ABCC9: variants seen among roughly 807,000 people sequenced by gnomAD.
ABCC9 encodes ATP-binding cassette sub-family C member 9.
A neutral mutation model predicts 188.3 loss-of-function variants in ABCC9; 95 were observed. That is an observed-to-expected ratio of 0.50 (90% CI 0.43 to 0.60). The LOEUF is 0.60. Ranked by LOEUF, ABCC9 falls within the 20% of genes least tolerant of loss-of-function variation. The pLI is 0.00. For missense variants in ABCC9, 1,102 were observed against 1,876.3 expected, an observed-to-expected ratio of 0.59 and a Z score of 7.62; for synonymous variants, 659 against 652.7, an observed-to-expected ratio of 1.01 and a Z score of -0.15.
At chr12:21,845,983 T>C in intron 25 of ABCC9, 151 bp from the exon 26 acceptor site, 1 of 667,180 alleles carries the variant, frequency 1.5e-6, no homozygotes, top group Non-Finnish European at 2.6e-6. Flanking sequence ...GGGCAAACCT[T>C]ATTTCTTTCT....
rs527904250 is a variant in ABCC9 at position 21,852,275 on chromosome 12, A to G, written c.2644-53T>C. On this transcript the variant is annotated intron_variant, in intron 23 of 39. Coordinates refer to ENST00000261200, the MANE Select transcript of ABCC9 (RefSeq NM_020297.4). ...GTGACGAAAAGCCTTGATTGGCAAA[A>G]TGAACTACCTTTATTTCAGAAAGCA... The G allele has an allele frequency of 2.9e-4, 464 of 1,613,562 alleles. 3 individuals carry two copies. Among genetic ancestry groups the G allele is most frequent in the South Asian group, 1.5e-3 (134 of 91,064 alleles).
chr12:21,802,444 A>G (rs1200809720), intron 39 of ABCC9, among the ~76,000 whole-genome samples: 1 of 152,254 alleles, frequency 6.6e-6, no homozygotes, highest in African/African-American at 2.4e-5. Flanking sequence ...TTTTCAAAGT[A>G]GAAATAAACA....
At chr12:21,923,571 C>T in intron 5 of ABCC9, 2 of 377,604 alleles carry the variant, frequency 5.3e-6, no homozygotes, top group East Asian at 8.1e-5. Flanking sequence ...CAAATTAAAA[C>T]CGCAATGTAT....
chr12:21,940,684 G>C (rs537193265), intron 2 of ABCC9, 26 bp downstream of exon 2: 2 of 152,186 alleles, frequency 1.3e-5, no homozygotes, highest in South Asian at 4.1e-4. Context: ...ATCCCAAACT[G>C]AACAAATAAA....
chr12:21,915,987 T>C, intron 6 of ABCC9, 77 bp from the exon 7 acceptor site: 1 of 1,458,310 alleles, frequency 6.9e-7, no homozygotes, highest in Non-Finnish European at 9.3e-7. Context: ...TTTCAACCTT[T>C]TCTACATTTT....
chr12:21,830,264 CTT>C (rs898449747), intron 30 of ABCC9, among the ~76,000 whole-genome samples: 10 of 152,144 alleles, frequency 6.6e-5, no homozygotes, highest in African/African-American at 2.4e-4. Flanking sequence ...ACAATAGTCT[CTT>C]TTTATTTCTC....
chr12:21,886,545 G>A (rs963969845), intron 15 of ABCC9, among the ~76,000 whole-genome samples: 8 of 151,882 alleles, frequency 5.3e-5, no homozygotes, highest in East Asian at 3.9e-4. Flanking sequence ...ACTGATCTAC[G>A]TGTTTTACTC....
chr12:21,918,092 G>T (rs951444518), intron 5 of ABCC9, among the ~76,000 whole-genome samples: 2 of 151,672 alleles, frequency 1.3e-5, no homozygotes, highest in Non-Finnish European at 2.9e-5. Flanking sequence ...TATTAGAGTA[G>T]CTTAAAAGTA....
At chr12:21,833,849 G>A (rs778627893) in intron 30 of ABCC9, among the ~76,000 whole-genome samples, 43 of 152,008 alleles carry the variant, frequency 2.8e-4, no homozygotes, top group Non-Finnish European at 2.6e-4. Flanking sequence ...GTCCCATCCC[G>A]CCTATATCTC....
chr12:21,919,583 T>C (rs1261373681), intron 5 of ABCC9, among the ~76,000 whole-genome samples: 2 of 151,958 alleles, frequency 1.3e-5, no homozygotes, highest in African/African-American at 4.8e-5. Context: ...TATAAAAAAG[T>C]ATTAGACATA....
At chr12:21,930,594 A>C (rs1423302991) in intron 4 of ABCC9, among the ~76,000 whole-genome samples, 6 of 152,222 alleles carry the variant, frequency 3.9e-5, no homozygotes, top group African/African-American at 1.4e-4. Flanking sequence ...GAAAGGTGGA[A>C]TAGGACTCTC....
intron 6 of ABCC9, 95 bp downstream of exon 6, chr12:21,916,842 C>T (rs1473412428): frequency 8.1e-6 from 9 of 1,113,098 alleles, no homozygotes; most frequent in East Asian, 7.3e-5. Context: ...TACATGTGTT[C>T]ATCCTTGTCA....
chr12:21,843,175 C>T (rs147732383), intron 28 of ABCC9, among the ~76,000 whole-genome samples: 2 of 152,180 alleles, frequency 1.3e-5, no homozygotes, highest in African/African-American at 4.8e-5. Flanking sequence ...AAACTATTTT[C>T]CTACATTACT....
intron 15 of ABCC9, among the ~76,000 whole-genome samples, chr12:21,886,094 C>A (rs912428786): frequency 2.6e-5 from 4 of 152,040 alleles, no homozygotes; most frequent in Non-Finnish European, 5.9e-5. Context: ...AGAATTTCTT[C>A]AAAATTTTTT....
chr12:21,833,506 G>T (rs758934258), intron 30 of ABCC9, among the ~76,000 whole-genome samples: 5 of 152,068 alleles, frequency 3.3e-5, no homozygotes, highest in Non-Finnish European at 7.4e-5. Flanking sequence ...AGGGAAGAAG[G>T]TAAATGAAAA....
chr12:21,894,239 C>G, intron 13 of ABCC9, 65 bp from the exon 14 acceptor site: 1 of 1,565,044 alleles, frequency 6.4e-7, no homozygotes, highest in Non-Finnish European at 8.8e-7. Flanking sequence ...TACATTCAGT[C>G]CTAGAAACCT....
chr12:21,883,279 T>TGCGGGAGGGACC (rs1946709576), intron 15 of ABCC9, among the ~76,000 whole-genome samples: 1 of 152,208 alleles, frequency 6.6e-6, no homozygotes, highest in Non-Finnish European at 1.5e-5. Flanking sequence ...GTTTGGCTGT[T>TGCGGGAGGGACC]GCGGGAGGGA....
In ABCC9 at chr12:21,941,136, C is replaced by A. The variant is rs932343429; in HGVS notation, c.-137+64G>T. On this transcript the variant is annotated intron_variant, in intron 1 of 39. Coordinates refer to ENST00000261200, the MANE Select transcript of ABCC9 (RefSeq NM_020297.4). This position sits in a 1 kb window ranked among gnomAD's most constrained non-coding sequence, Gnocchi z 5.4. ...AGCAGAAATGTTAGCTCAAAATCGA[C>A]AACTTACAGTTATTCCTAAAAATGT... 1 of 152,246 alleles carries A rather than the reference C, an allele frequency of 6.6e-6. No individual in the cohort carries two copies. Among genetic ancestry groups the A allele is most frequent in the African/African-American group, 2.4e-5 (1 of 41,462 alleles). 9.4% of individuals were successfully genotyped at this position (152,246 alleles called of 1,614,324 possible).
At position 21,815,894 on chromosome 12, in the gene ABCC9, C is replaced by G; in HGVS notation, c.3893-1G>C. ...CAATGTTCTGGAACTTGAGAAGGAT[C>G]TGGAGGATGGGATGGGGAAATAGAC... On this transcript the variant is annotated splice_acceptor_variant, in intron 33 of 39. Transcript: ENST00000261200. LOFTEE classifies it high-confidence loss of function. 6.2e-7 allele frequency: 1 copy of G among 1,612,512 alleles called. No individual in the cohort carries two copies. Among genetic ancestry groups the G allele is most frequent in the Non-Finnish European group, 8.5e-7 (1 of 1,179,216 alleles).
Sources: gnomAD v4.1 joint callset for allele counts (sites outside exome capture counted in the v4.1 genomes callset) on GRCh38, gnomAD v4.1.1 for gene constraint, Gnocchi (gnomAD v3.1) non-coding constraint, MANE v1.5 for transcripts, NCBI Gene and HGNC (gene_info 2026-07-23, HGNC 2026-07-21) for gene names.